MARCHF1: variants seen among roughly 807,000 people sequenced by gnomAD.
The protein encoded by MARCHF1 is E3 ubiquitin-protein ligase MARCHF1.
In MARCHF1, 40 loss-of-function variants were observed where a neutral mutation model predicts 54.2. The ratio of observed to expected loss-of-function variants is 0.74; its 90% CI spans 0.57 to 0.96. MARCHF1 has a LOEUF of 0.96. MARCHF1 is among the 40% of genes least tolerant of loss of function. The probability of loss-of-function intolerance (pLI) is 0.00; values close to 1 mark genes in which losing one functional copy is unlikely to be tolerated. For synonymous variants in MARCHF1, 236 were observed against 236.3 expected, an observed-to-expected ratio of 1.00 and a Z score of 0.01; for missense variants, 586 against 656.5, an observed-to-expected ratio of 0.89 and a Z score of 1.17.
chr4:163,708,919 A>T (rs1442770963), intron 4 of MARCHF1, among the ~76,000 whole-genome samples: 10 of 152,156 alleles, frequency 6.6e-5, no homozygotes. Context: ...AGAAATTATA[A>T]TGCAAATATG....
At chr4:163,658,286 C>A (rs1432257873) in intron 5 of MARCHF1, among the ~76,000 whole-genome samples, 3 of 151,590 alleles carry the variant, frequency 2.0e-5, no homozygotes, top group African/African-American at 7.3e-5. Context: ...TTCATGCAGC[C>A]AATAAACGTG....
At chr4:164,102,587 C>T (rs1755590455) in intron 2 of MARCHF1, among the ~76,000 whole-genome samples, 2 of 150,376 alleles carry the variant, frequency 1.3e-5, no homozygotes, top group South Asian at 2.1e-4. Context: ...CACCACCAGG[C>T]CTGCCTTACA....
At chr4:163,899,386 T>G (rs557293186) in intron 3 of MARCHF1, among the ~76,000 whole-genome samples, 1 of 152,276 alleles carries the variant, frequency 6.6e-6, no homozygotes, top group African/African-American at 2.4e-5. Context: ...TGATAGATTA[T>G]TCCCTGTCTC....
At chr4:164,166,287 T>C (rs1187836266) in intron 1 of MARCHF1, among the ~76,000 whole-genome samples, 1 of 152,034 alleles carries the variant, frequency 6.6e-6, no homozygotes, top group Non-Finnish European at 1.5e-5. Flanking sequence ...TTCAGTGACC[T>C]TGTTCAGTCT....
At chr4:163,840,835 A>C (rs533009400) in intron 4 of MARCHF1, among the ~76,000 whole-genome samples, 1 of 152,264 alleles carries the variant, frequency 6.6e-6, no homozygotes, top group South Asian at 2.1e-4. Context: ...TATGTTAATT[A>C]ATTAATGATT....
intron 1 of MARCHF1, among the ~76,000 whole-genome samples, chr4:164,231,466 C>T (rs1239430649): frequency 6.6e-6 from 1 of 152,034 alleles, no homozygotes; most frequent in African/African-American, 2.4e-5. Flanking sequence ...CAAAACAGAA[C>T]AAATCTAGTG....
At chr4:163,998,225 C>T (rs903963383) in intron 2 of MARCHF1, among the ~76,000 whole-genome samples, 1 of 151,250 alleles carries the variant, frequency 6.6e-6, no homozygotes, top group African/African-American at 2.4e-5. Context: ...ATAGACTATT[C>T]TCTATCTATA....
At chr4:163,571,762 T>C (rs1739848785) in intron 8 of MARCHF1, among the ~76,000 whole-genome samples, 2 of 152,100 alleles carry the variant, frequency 1.3e-5, no homozygotes, top group Non-Finnish European at 1.5e-5. Flanking sequence ...TTTTTGTTTG[T>C]TTGTTTGTTT....
At chr4:164,335,771 AC>A (rs1729721046) in intron 1 of MARCHF1, among the ~76,000 whole-genome samples, 2 of 152,262 alleles carry the variant, frequency 1.3e-5, no homozygotes, top group South Asian at 4.1e-4. Context: ...TAAAATAGGT[AC>A]ATTTTTGGAC....
chr4:163,610,876 C>A lies in MARCHF1; in HGVS notation c.1010+1395G>T, dbSNP rs77275920. Among the ~76,000 whole-genome samples, 290 of 152,108 alleles carry A rather than the reference C, an allele frequency of 1.9e-3. 7 individuals carry two copies. The East Asian group carries it at 0.049, about 25-fold the overall frequency. On this transcript the variant is annotated intron_variant, in intron 7 of 9. Coordinates refer to ENST00000514618, the MANE Select transcript of MARCHF1 (RefSeq NM_001394959.1). Reference sequence around the variant, plus strand: ...AGCTGCAATGGCAAGCTTTACGTTCCCTGAATTGCCAAGCTCCGTCCCTCC... The same window carrying A: ...AGCTGCAATGGCAAGCTTTACGTTCACTGAATTGCCAAGCTCCGTCCCTCC...
At chr4:163,737,165 T>TTC (rs1561049791) in intron 4 of MARCHF1, among the ~76,000 whole-genome samples, 3 of 45,752 alleles carry the variant, frequency 6.6e-5, no homozygotes, top group African/African-American at 1.3e-4. Flanking sequence ...TTTTTCTTTC[T>TTC]TTTTTTTTTT....
At chr4:164,140,984 C>G (rs1756519216) in intron 1 of MARCHF1, among the ~76,000 whole-genome samples, 1 of 152,176 alleles carries the variant, frequency 6.6e-6, no homozygotes, top group Admixed American at 6.5e-5. Context: ...TTTGCTACCC[C>G]ACGTGTTGAG....
chr4:163,569,693 C>T (rs750107670), intron 8 of MARCHF1, among the ~76,000 whole-genome samples: 2 of 152,166 alleles, frequency 1.3e-5, no homozygotes, highest in Non-Finnish European at 2.9e-5. Flanking sequence ...GCTGACTCTA[C>T]AGCTCAAGAT....
rs376180874 is a variant in MARCHF1 at position 164,094,907 on chromosome 4, T to C, written c.-248+16681A>G. Among the ~76,000 whole-genome samples, 17 of 152,204 alleles carry C rather than the reference T, an allele frequency of 1.1e-4. No individual in the cohort carries two copies. In the East Asian group the frequency reaches 2.1e-3, roughly 19 times the overall value. On this transcript the variant is annotated intron_variant, in intron 2 of 9. Coordinates refer to ENST00000514618, the MANE Select transcript of MARCHF1 (RefSeq NM_001394959.1). ...AAACACTCTAATTTAAATAGAAATA[T>C]AAGAACACATCTTTACATTACAAAA... is the stretch of plus-strand genomic sequence containing the variant.
intron 3 of MARCHF1, among the ~76,000 whole-genome samples, chr4:163,921,617 A>T (rs1560820296): frequency 3.3e-5 from 5 of 151,874 alleles, no homozygotes; most frequent in African/African-American, 1.2e-4. Flanking sequence ...TTGGTTATAT[A>T]TTTTTTTCTC....
chr4:163,861,852 G>A (rs10019749), intron 3 of MARCHF1, among the ~76,000 whole-genome samples: 4,937 of 85,868 alleles, frequency 0.057, 209 homozygotes, highest in East Asian at 0.3. Context: ...AATCAAGACA[G>A]TGTGGTGTTG....
At chr4:164,080,670 G>GTGTA (rs1367015067) in intron 2 of MARCHF1, among the ~76,000 whole-genome samples, 70 of 149,618 alleles carry the variant, frequency 4.7e-4, no homozygotes, top group African/African-American at 1.6e-3. Flanking sequence ...GTGTGTGTGT[G>GTGTA]TATATATATA....
intron 1 of MARCHF1, among the ~76,000 whole-genome samples, chr4:164,126,986 G>A (rs1045251568): frequency 2.0e-5 from 3 of 152,098 alleles, no homozygotes; most frequent in East Asian, 3.9e-4. Flanking sequence ...CCCAGGTGAC[G>A]GAGGTTGCAG....
At chr4:163,959,089 G>T (rs532909762) in intron 3 of MARCHF1, among the ~76,000 whole-genome samples, 1 of 151,976 alleles carries the variant, frequency 6.6e-6, no homozygotes, top group Admixed American at 6.6e-5. Context: ...CTGTTCCCCA[G>T]GTTGATCTAC....
Sources: gnomAD v4.1 joint callset for allele counts (sites outside exome capture counted in the v4.1 genomes callset) on GRCh38, gnomAD v4.1.1 for gene constraint, MANE v1.5 for transcripts, NCBI Gene and HGNC (gene_info 2026-07-23, HGNC 2026-07-21) for gene names.